The following ZBTB46 variants were observed in gnomAD, a reference collection of about 807,000 sequenced individuals.
ZBTB46 encodes zinc finger and BTB domain-containing protein 46.
In ZBTB46, 8 loss-of-function variants were observed where a neutral mutation model predicts 44.1. The ratio of observed to expected loss-of-function variants is 0.18; its 90% confidence interval spans 0.11 to 0.33. The LOEUF (loss-of-function observed/expected upper bound fraction) is 0.33, where lower values mean the gene tolerates loss of function less well. ZBTB46 is among the 10% of genes least tolerant of loss of function. The probability of loss-of-function intolerance (pLI) is 1.00; values close to 1 mark genes in which losing one functional copy is unlikely to be tolerated. For missense variants in ZBTB46, 651 were observed against 847.7 expected (o/e 0.77, Z 2.88); for synonymous variants, 409 against 382.3 (o/e 1.07, Z -0.81).
chr20:63,769,242 T>A, intron 3 of ZBTB46: 1 of 985,346 alleles, frequency 1.0e-6, no homozygotes, highest in South Asian at 4.7e-5. Context: ...GCCACCCTGG[T>A]GTCTTACCTG....
intron 1 of ZBTB46, among the ~76,000 whole-genome samples, chr20:63,816,710 T>C (rs1198973728): frequency 6.6e-6 from 1 of 152,202 alleles, no homozygotes; most frequent in Non-Finnish European, 1.5e-5. Flanking sequence ...AACGTGACCT[T>C]ATTTGGAAAT....
At chr20:63,758,733 T>A (rs182568265) in intron 3 of ZBTB46, among the ~76,000 whole-genome samples, 2,401 of 67,816 alleles carry the variant, frequency 0.035, 38 homozygotes, top group Admixed American at 0.047. Context: ...GAGAGTCACA[T>A]CTTTTTTTTT....
chr20:63,797,827 T>C (rs1366243722), intron 1 of ZBTB46, among the ~76,000 whole-genome samples: 1 of 152,240 alleles, frequency 6.6e-6, no homozygotes, highest in Non-Finnish European at 1.5e-5. Context: ...GTTCATATCC[T>C]TTGCCCACTT....
intron 1 of ZBTB46, among the ~76,000 whole-genome samples, chr20:63,808,439 G>A (rs1284106202): frequency 3.3e-5 from 5 of 152,154 alleles, no homozygotes; most frequent in African/African-American, 1.2e-4. Context: ...TCACGGACAG[G>A]GTCATCCGGA....
rs1313371836 is a variant in ZBTB46, at chr20:63,790,657, C to G, written c.101G>C (p.Cys34Ser). Residue 34 changes from cysteine to serine, a missense_variant, in exon 2 of 5, where the codon TGC becomes TCC. Coordinates refer to ENST00000245663, the MANE Select transcript of ZBTB46 (RefSeq NM_001369741.1). ...GAAGACCTTGCCCTCCACGACCACG[C>G]AGACGTCGCACAGGACGCCGTGCTG... ...QRQHGVLCDV[C>S]VVVEGKVFKA... is the part of the protein sequence containing the mutation. 1 of 1,611,814 alleles carries G rather than the reference C, an allele frequency of 6.2e-7. No homozygotes were observed. The highest frequency in any genetic ancestry group is 2.2e-5 in the East Asian group (1 of 44,890).
intron 1 of ZBTB46, among the ~76,000 whole-genome samples, chr20:63,794,254 C>T (rs1182040641): frequency 1.3e-5 from 2 of 152,026 alleles, no homozygotes; most frequent in Admixed American, 6.6e-5. Flanking sequence ...TGCAGTGGCA[C>T]GATCTCGGCT....
intron 1 of ZBTB46, among the ~76,000 whole-genome samples, chr20:63,801,754 C>T (rs1469400856): frequency 6.6e-6 from 1 of 152,086 alleles, no homozygotes; most frequent in Non-Finnish European, 1.5e-5. Flanking sequence ...AGAACTGTAA[C>T]ACTCACCGCG....
chr20:63,773,623 A>T (rs2092394899), intron 3 of ZBTB46, among the ~76,000 whole-genome samples: 1 of 151,946 alleles, frequency 6.6e-6, no homozygotes, highest in Admixed American at 6.6e-5. Context: ...GAGGCCTGGG[A>T]TCCCCCTCCG....
intron 1 of ZBTB46, among the ~76,000 whole-genome samples, chr20:63,792,324 C>G (rs6089997): frequency 6.6e-6 from 1 of 152,180 alleles, no homozygotes; most frequent in Admixed American, 6.5e-5. Flanking sequence ...TAGGACTCAC[C>G]TGAAATGCTA....
At chr20:63,763,972 C>CT (rs919500386) in intron 3 of ZBTB46, among the ~76,000 whole-genome samples, 29 of 148,942 alleles carry the variant, frequency 1.9e-4, no homozygotes, top group East Asian at 7.9e-4. Flanking sequence ...TTTTCTTTTT[C>CT]TTTTTTTTTT....
At chr20:63,815,943 T>G (rs2092751733) in intron 1 of ZBTB46, among the ~76,000 whole-genome samples, 1 of 115,520 alleles carries the variant, frequency 8.7e-6, no homozygotes, top group Non-Finnish European at 1.7e-5. Flanking sequence ...TGGGTGCAGG[T>G]ACAGTGGGCA....
At chr20:63,772,928 G>C (rs1474345476) in intron 3 of ZBTB46, among the ~76,000 whole-genome samples, 1 of 152,146 alleles carries the variant, frequency 6.6e-6, no homozygotes, top group African/African-American at 2.4e-5. Context: ...CGTGCTCCGG[G>C]GCTCGCTTCC....
chr20:63,806,407 C>CAAAAAAAAAAAAAAAAAAA (rs58233169), intron 1 of ZBTB46, among the ~76,000 whole-genome samples: 1 of 91,458 alleles, frequency 1.1e-5, no homozygotes, highest in African/African-American at 4.0e-5. Context: ...AACTCCATCT[C>CAAAAAAAAAAAAAAAAAAA]AAAAAAAAAA....
In ZBTB46 at chr20:63,755,708, A is replaced by C. The variant is rs533020748; in HGVS notation, c.1223-2847T>G. Among the ~76,000 whole-genome samples, 636 of 152,214 alleles carry C rather than the reference A, an allele frequency of 4.2e-3. 13 individuals are homozygous for C. In the South Asian group the frequency reaches 0.053, roughly 13 times the overall value. The stretch of plus-strand genomic sequence containing the variant: ...CATTACTAAAATAATTTCTTACTGG[A>C]AACAACACCTTCCATGATTTATTTG... On this transcript the variant is annotated intron_variant, in intron 3 of 4. Transcript: ENST00000245663.
intron 1 of ZBTB46, among the ~76,000 whole-genome samples, chr20:63,807,389 G>A (rs920685608): frequency 1.1e-4 from 17 of 152,174 alleles, no homozygotes; most frequent in African/African-American, 3.6e-4. Flanking sequence ...CTGTCACCCA[G>A]GCTGGAGTGC....
chr20:63,800,599 G>A (rs888720045), intron 1 of ZBTB46, among the ~76,000 whole-genome samples: 18 of 152,240 alleles, frequency 1.2e-4, no homozygotes, highest in African/African-American at 3.6e-4. Context: ...TGCGTGCGGC[G>A]CTTGCGGGCC....
chr20:63,776,177 G>A (rs1026078559), intron 2 of ZBTB46, among the ~76,000 whole-genome samples: 2 of 152,250 alleles, frequency 1.3e-5, no homozygotes, highest in Non-Finnish European at 2.9e-5. Context: ...CCATGGCTGC[G>A]GTGGAGTCTC....
At chr20:63,818,021 C>T (rs986644184) in intron 1 of ZBTB46, among the ~76,000 whole-genome samples, 1 of 152,246 alleles carries the variant, frequency 6.6e-6, no homozygotes, top group African/African-American at 2.4e-5. Flanking sequence ...GGAACTCGCC[C>T]AAACAGCAAG....
At position 63,744,913 on chromosome 20, in the gene ZBTB46, C is replaced by T. The variant is rs1394686108; in HGVS notation, c.*2017G>A. 1 of 152,418 alleles carries T rather than the reference C, an allele frequency of 6.6e-6. No homozygotes were observed. The highest frequency in any genetic ancestry group is 1.9e-4 in the East Asian group (1 of 5,338). The allele number at this position is 152,418 out of a possible 1,614,324, so 9.4% of individuals were successfully genotyped here. A position where few individuals can be genotyped will look rare whatever the true frequency, so the allele number is the denominator to read the frequency against. On this transcript the variant is annotated 3_prime_UTR_variant, in exon 5 of 5. Transcript: ENST00000245663. ...GGTGGCCTGAGAGCAGGGACTGGTA[C>T]AAAACCCAGAGACATTGGTGGGTAG...
Sources: gnomAD v4.1 joint callset for allele counts (sites outside exome capture counted in the v4.1 genomes callset) on GRCh38, gnomAD v4.1.1 for gene constraint, MANE v1.5 for transcripts, NCBI Gene and HGNC (gene_info 2026-07-23, HGNC 2026-07-21) for gene names.